Variants in TEC observed in about 807,000 individuals in gnomAD.
The protein encoded by TEC is tec protein tyrosine kinase.
Under a neutral mutation model 93.0 loss-of-function variants are expected in TEC, and 72 were observed. The ratio of observed to expected loss-of-function variants is 0.77; its 90% CI spans 0.64 to 0.94. The LOEUF is 0.94. Among genes scored for constraint, TEC ranks in the 40% least tolerant of loss-of-function variants. TEC has a pLI of 0.00. For synonymous variants in TEC, 249 were observed against 247.7 expected, an observed-to-expected ratio of 1.01 and a Z score of -0.05; for missense variants, 630 against 757.9, an observed-to-expected ratio of 0.83 and a Z score of 1.98.
At chr4:48,139,374 T>C (rs569005582) in intron 15 of TEC, among the ~76,000 whole-genome samples, 1 of 152,298 alleles carries the variant, frequency 6.6e-6, no homozygotes, top group African/African-American at 2.4e-5. Context: ...AAAGGCCCCA[T>C]ATGTAAAAAA....
At chr4:48,244,827 T>C (rs2109661183) in intron 1 of TEC, among the ~76,000 whole-genome samples, 1 of 152,190 alleles carries the variant, frequency 6.6e-6, no homozygotes, top group Admixed American at 6.5e-5. Context: ...GACAGAGAGA[T>C]ATCATATCTA....
intron 9 of TEC, among the ~76,000 whole-genome samples, chr4:48,155,039 G>T (rs1348009432): frequency 6.6e-6 from 1 of 152,178 alleles, no homozygotes; most frequent in Admixed American, 6.5e-5. Flanking sequence ...CCCCTACTGG[G>T]AACCTAAAGC....
At chr4:48,206,705 G>T (rs1420670339) in intron 2 of TEC, among the ~76,000 whole-genome samples, 2 of 149,190 alleles carry the variant, frequency 1.3e-5, no homozygotes, top group South Asian at 4.2e-4. Context: ...ACTTTGGAAG[G>T]CTTAACAGGT....
In TEC at chr4:48,145,064, G is replaced by A. The variant is rs769640760; in HGVS notation, c.1470+15C>T. On this transcript the variant is annotated intron_variant, in intron 14 of 17. Transcript: ENST00000381501. ...AATTCAGCCAATGAGTGGGAATATG[G>A]GTGGCTAGGGTTACCAGATCTCTGT... 6.2e-7 allele frequency: 1 copy of A among 1,611,846 alleles called. No individual in the cohort carries two copies. Among genetic ancestry groups the A allele is most frequent in the East Asian group, 2.2e-5 (1 of 44,858 alleles).
chr4:48,141,550 T>C, intron 14 of TEC, 131 bp from the exon 15 acceptor site: 1 of 831,396 alleles, frequency 1.2e-6, no homozygotes, highest in South Asian at 1.9e-5. Flanking sequence ...CACCCTTTAA[T>C]AAGTTGTTTT....
At chr4:48,142,685 T>C (rs1439050523) in intron 14 of TEC, among the ~76,000 whole-genome samples, 1 of 152,074 alleles carries the variant, frequency 6.6e-6, no homozygotes, top group Non-Finnish European at 1.5e-5. Context: ...TTTAATTTTT[T>C]AATTTTTTAT....
intron 1 of TEC, among the ~76,000 whole-genome samples, chr4:48,252,178 T>A (rs951109877): frequency 7.9e-5 from 12 of 152,228 alleles, no homozygotes; most frequent in Non-Finnish European, 1.8e-4. Context: ...AATAGGGTAA[T>A]AATTATGACT....
rs1560368492 is a variant in TEC at position 48,137,330 on chromosome 4, T to G, written c.*86A>C. On this transcript the variant is annotated 3_prime_UTR_variant, in exon 18 of 18. Transcript: ENST00000381501. ...CACTGTATAAGTAAAATGATCTACA[T>G]GTCCAAGTGCTCAATAAATTAAAAG... 1.6e-5 allele frequency: 17 copies of G among 1,040,540 alleles called. No individual in the cohort carries two copies. The South Asian group carries it at 2.0e-4, about 12-fold the overall frequency. 64.5% of individuals were successfully genotyped at this position (1,040,540 alleles called of 1,614,324 possible).
At chr4:48,179,291 CT>C (rs1721459508) in intron 2 of TEC, among the ~76,000 whole-genome samples, 1 of 130,956 alleles carries the variant, frequency 7.6e-6, no homozygotes. Context: ...CCCAAGTTTA[CT>C]TGTGGAACAG....
chr4:48,250,473 G>A (rs1724171179), intron 1 of TEC, among the ~76,000 whole-genome samples: 1 of 152,118 alleles, frequency 6.6e-6, no homozygotes. Flanking sequence ...ACTGACTATG[G>A]ATATACCTAT....
chr4:48,220,417 T>G, intron 2 of TEC, among the ~76,000 whole-genome samples: 1 of 151,908 alleles, frequency 6.6e-6, no homozygotes, highest in South Asian at 2.1e-4. Context: ...ATGAATGGCC[T>G]GGTGCCCTCC....
At chr4:48,185,457 T>C (rs1049901483) in intron 2 of TEC, among the ~76,000 whole-genome samples, 2 of 152,174 alleles carry the variant, frequency 1.3e-5, no homozygotes, top group East Asian at 1.9e-4. Context: ...CACTTCCAAT[T>C]TGATGATTCT....
chr4:48,246,066 G>A (rs576593080), intron 1 of TEC, among the ~76,000 whole-genome samples: 10 of 152,146 alleles, frequency 6.6e-5, no homozygotes, highest in Admixed American at 2.0e-4. Flanking sequence ...CCGAGATCAC[G>A]CCACTGCACT....
At chr4:48,188,109 A>G (rs1721959311) in intron 2 of TEC, among the ~76,000 whole-genome samples, 1 of 152,140 alleles carries the variant, frequency 6.6e-6, no homozygotes, top group South Asian at 2.1e-4. Context: ...TTCCTGTTCC[A>G]TCCCCTTCCT....
intron 2 of TEC, among the ~76,000 whole-genome samples, chr4:48,197,918 A>AC (rs1722354129): frequency 6.6e-6 from 1 of 152,170 alleles, no homozygotes; most frequent in Non-Finnish European, 1.5e-5. Flanking sequence ...CCTTAAAAGC[A>AC]CCATTTAGGC....
At chr4:48,229,828 C>T (rs1490526578) in intron 1 of TEC, among the ~76,000 whole-genome samples, 2 of 151,700 alleles carry the variant, frequency 1.3e-5, no homozygotes, top group Non-Finnish European at 2.9e-5. Flanking sequence ...AATCCCAGCA[C>T]TTTGGGAGGC....
intron 7 of TEC, 103 bp downstream of exon 7, chr4:48,167,675 G>T: frequency 2.8e-6 from 3 of 1,077,928 alleles, no homozygotes; most frequent in Non-Finnish European, 4.1e-6. Flanking sequence ...TATGGCTGGT[G>T]AAATTAGTCT....
chr4:48,163,280 T>C (rs560266036), intron 8 of TEC, among the ~76,000 whole-genome samples: 2 of 152,314 alleles, frequency 1.3e-5, no homozygotes, highest in Non-Finnish European at 2.9e-5. Context: ...TTTTCAAAAA[T>C]AGTAAAAAGA....
At chr4:48,231,734 G>A (rs1329440861) in intron 1 of TEC, among the ~76,000 whole-genome samples, 2 of 152,080 alleles carry the variant, frequency 1.3e-5, no homozygotes, top group Non-Finnish European at 2.9e-5. Flanking sequence ...TCCAGCCTGG[G>A]CGACAGAGCA....
Sources: allele counts gnomAD v4.1 joint callset (sites outside exome capture counted in the v4.1 genomes callset), GRCh38; gene constraint gnomAD v4.1.1; transcripts MANE v1.5; gene names NCBI Gene and HGNC (gene_info 2026-07-23, HGNC 2026-07-21).